The following RBFOX1 variants were observed in gnomAD, a reference collection of about 807,000 sequenced individuals.
RBFOX1 encodes the protein RNA binding protein fox-1 homolog 1.
RBFOX1 carries 8 observed loss-of-function variants against 57.7 expected under a neutral mutation model. That is an observed-to-expected ratio of 0.14 (90% CI 0.08 to 0.25). RBFOX1 has a LOEUF of 0.25. Ranked by LOEUF, RBFOX1 falls within the 10% of genes least tolerant of loss-of-function variation. RBFOX1 has a pLI of 1.00. For synonymous variants in RBFOX1, 326 were observed against 222.4 expected (o/e 1.47, Z -4.15); for missense variants, 611 against 548.5 (o/e 1.11, Z -1.14).
At chr16:7,491,657 G>A (rs569427099) in intron 4 of RBFOX1, among the ~76,000 whole-genome samples, 2 of 151,936 alleles carry the variant, frequency 1.3e-5, no homozygotes, top group African/African-American at 2.4e-5. Context: ...TTGAAACAGG[G>A]TCTTGCTCTG....
At chr16:6,929,589 T>C (rs930637753) in intron 3 of RBFOX1, among the ~76,000 whole-genome samples, 4 of 152,108 alleles carry the variant, frequency 2.6e-5, no homozygotes, top group African/African-American at 9.7e-5. Context: ...GCCGGGGAAA[T>C]TTAATTTTTA....
chr16:5,971,191 C>T (rs1408948655), intron 4 of RBFOX1, among the ~76,000 whole-genome samples: 2 of 152,226 alleles, frequency 1.3e-5, no homozygotes, highest in African/African-American at 2.4e-5. Flanking sequence ...GTGAACCAGA[C>T]TTACTTATTA....
intron 3 of RBFOX1, among the ~76,000 whole-genome samples, chr16:6,953,843 G>A (rs2081251625): frequency 6.6e-6 from 1 of 152,126 alleles, no homozygotes; most frequent in South Asian, 2.1e-4. Context: ...TTGGATACCT[G>A]ACTTGAATCT....
chr16:6,819,732 TAAC>T (rs1161084963), intron 3 of RBFOX1, among the ~76,000 whole-genome samples: 6 of 76,150 alleles, frequency 7.9e-5, no homozygotes, highest in Non-Finnish European at 1.6e-4. Context: ...AAAAAAAAAA[TAAC>T]AACACCAAAA....
chr16:6,234,538 C>T (rs984683043), intron 1 of RBFOX1, among the ~76,000 whole-genome samples: 9 of 152,106 alleles, frequency 5.9e-5, no homozygotes, highest in African/African-American at 2.2e-4. Flanking sequence ...TGAATGAAGG[C>T]TTCAGGAATA....
At chr16:6,188,445 C>T (rs945048819) in intron 1 of RBFOX1, among the ~76,000 whole-genome samples, 1 of 134,096 alleles carries the variant, frequency 7.5e-6, no homozygotes, top group Non-Finnish European at 1.6e-5. Flanking sequence ...AAAGGCTAAA[C>T]ATAAAATACA....
intron 4 of RBFOX1, among the ~76,000 whole-genome samples, chr16:7,132,665 G>A (rs1487897300): frequency 1.3e-5 from 2 of 151,518 alleles, no homozygotes; most frequent in African/African-American, 4.8e-5. Flanking sequence ...AATAAGGGCA[G>A]CCTGACGCAC....
intron 3 of RBFOX1, among the ~76,000 whole-genome samples, chr16:6,667,556 T>C (rs942250887): frequency 3.3e-5 from 5 of 152,092 alleles, no homozygotes; most frequent in African/African-American, 1.2e-4. Flanking sequence ...AGGGTACTTA[T>C]CATCTTGGCT....
intron 3 of RBFOX1, among the ~76,000 whole-genome samples, chr16:6,939,836 A>G (rs1367973213): frequency 2.0e-5 from 3 of 152,176 alleles, no homozygotes; most frequent in Admixed American, 6.5e-5. Context: ...AGAGGGTATC[A>G]TATAGCTGGT....
chr16:7,152,741 G>A (rs932186808), intron 4 of RBFOX1, among the ~76,000 whole-genome samples: 1 of 152,180 alleles, frequency 6.6e-6, no homozygotes, highest in African/African-American at 2.4e-5. Flanking sequence ...TGGAAAAATA[G>A]TTTAGAATTG....
At chr16:7,365,581 G>A (rs1424085343) in intron 4 of RBFOX1, among the ~76,000 whole-genome samples, 2 of 152,194 alleles carry the variant, frequency 1.3e-5, no homozygotes, top group Admixed American at 6.5e-5. Flanking sequence ...CGGGATAGAG[G>A]CCACGGATGT....
At chr16:6,004,209 T>A (rs1001009333) in intron 4 of RBFOX1, among the ~76,000 whole-genome samples, 2 of 152,308 alleles carry the variant, frequency 1.3e-5, no homozygotes, top group African/African-American at 2.4e-5. Context: ...AAATTTTTTT[T>A]AAAGAAAATA....
intron 1 of RBFOX1, among the ~76,000 whole-genome samples, chr16:5,393,354 C>T (rs544763): frequency 6.6e-6 from 1 of 151,972 alleles, no homozygotes; most frequent in Non-Finnish European, 1.5e-5. Context: ...TGTATCTGTC[C>T]GTGTCCAGGC....
intron 3 of RBFOX1, among the ~76,000 whole-genome samples, chr16:5,684,434 C>T (rs1198463960): frequency 6.6e-6 from 1 of 152,172 alleles, no homozygotes; most frequent in Non-Finnish European, 1.5e-5. Flanking sequence ...CCACAATGCT[C>T]TGCAACTCCC....
intron 4 of RBFOX1, among the ~76,000 whole-genome samples, chr16:7,507,916 G>A (rs1208082312): frequency 2.0e-5 from 3 of 151,402 alleles, no homozygotes; most frequent in African/African-American, 7.3e-5. Context: ...CACTGACTAA[G>A]GACCCATGTT....
intron 4 of RBFOX1, among the ~76,000 whole-genome samples, chr16:7,412,556 A>T (rs1156267506): frequency 1.3e-5 from 2 of 152,210 alleles, no homozygotes; most frequent in Non-Finnish European, 2.9e-5. Flanking sequence ...ACATAAGCCC[A>T]CACAAAAAAT....
chr16:5,462,314 G>A (rs1274403481), intron 1 of RBFOX1, among the ~76,000 whole-genome samples: 2 of 151,846 alleles, frequency 1.3e-5, no homozygotes, highest in Non-Finnish European at 2.9e-5. Flanking sequence ...GACTACAGGG[G>A]CCCGCCACCA....
chr16:6,302,692 T>G (rs1240864001), intron 1 of RBFOX1, among the ~76,000 whole-genome samples: 4 of 152,134 alleles, frequency 2.6e-5, no homozygotes, highest in Non-Finnish European at 4.4e-5. Context: ...AGAACATTTT[T>G]AAAACAAGAA....
chr16:6,265,737 A>G (rs998918362), intron 1 of RBFOX1, among the ~76,000 whole-genome samples: 3 of 152,100 alleles, frequency 2.0e-5, no homozygotes, highest in Non-Finnish European at 2.9e-5. Flanking sequence ...AGCTCTCTCA[A>G]CTGCCTTCCT....
Sources: allele counts gnomAD v4.1 joint callset (sites outside exome capture counted in the v4.1 genomes callset), GRCh38; gene constraint gnomAD v4.1.1; transcripts MANE v1.5; gene names NCBI Gene and HGNC (gene_info 2026-07-23, HGNC 2026-07-21).